ZNF423: variants seen among roughly 807,000 people sequenced by gnomAD.
The protein encoded by ZNF423 is zinc finger protein 423.
A neutral mutation model predicts 95.8 loss-of-function variants in ZNF423; 12 were observed. The ratio of observed to expected loss-of-function variants is 0.13; its 90% CI spans 0.08 to 0.20. The LOEUF (loss-of-function observed/expected upper bound fraction) is 0.20, where lower values mean the gene tolerates loss of function less well. Ranked by LOEUF, ZNF423 falls within the 10% of genes least tolerant of loss-of-function variation. The pLI, the probability that ZNF423 is intolerant of heterozygous loss-of-function variation, is 1.00. For missense variants in ZNF423, 1,316 were observed against 1,737.1 expected (o/e 0.76, Z 4.31); for synonymous variants, 749 against 711.9 (o/e 1.05, Z -0.83).
chr16:49,821,969 G>A (rs1324060108), intron 1 of ZNF423, among the ~76,000 whole-genome samples: 2 of 152,112 alleles, frequency 1.3e-5, no homozygotes, highest in African/African-American at 4.8e-5. Flanking sequence ...TCTCTCTCCC[G>A]GAGAAGGTTC....
chr16:49,659,151 C>T (rs2151912319), intron 3 of ZNF423, among the ~76,000 whole-genome samples: 1 of 152,336 alleles, frequency 6.6e-6, no homozygotes, highest in East Asian at 1.9e-4. Flanking sequence ...TGCAGTGGCG[C>T]AATCATAGCT....
At chr16:49,510,837 G>A (rs1309861780) in intron 7 of ZNF423, among the ~76,000 whole-genome samples, 2 of 152,228 alleles carry the variant, frequency 1.3e-5, no homozygotes, top group East Asian at 3.9e-4. Context: ...GCGCCGGGGA[G>A]GGGTTCGGCT....
intron 3 of ZNF423, among the ~76,000 whole-genome samples, chr16:49,677,518 C>T (rs1235020485): frequency 6.6e-6 from 1 of 151,790 alleles, no homozygotes; most frequent in African/African-American, 2.4e-5. Context: ...TTGCCAGGTG[C>T]AGTAGCACAT....
chr16:49,716,811 T>C (rs1480955813), intron 3 of ZNF423, among the ~76,000 whole-genome samples: 1 of 152,116 alleles, frequency 6.6e-6, no homozygotes, highest in Non-Finnish European at 1.5e-5. Flanking sequence ...CAGAGGAAAG[T>C]GGAATCCGCA....
At chr16:49,626,719 C>G (rs1392015411) in intron 4 of ZNF423, among the ~76,000 whole-genome samples, 1 of 151,144 alleles carries the variant, frequency 6.6e-6, no homozygotes, top group East Asian at 2.0e-4. Context: ...ATCTACCCAT[C>G]CATCCATATA....
chr16:49,642,651 A>G (rs1973012657), intron 3 of ZNF423, among the ~76,000 whole-genome samples: 1 of 152,084 alleles, frequency 6.6e-6, no homozygotes, highest in Non-Finnish European at 1.5e-5. Flanking sequence ...AGAACATTCA[A>G]CCTCGCCTGC....
chr16:49,638,274 G>A lies in ZNF423; in HGVS notation c.902C>T (p.Ala301Val), dbSNP rs569005398. 14 of 1,613,118 alleles carry A rather than the reference G, an allele frequency of 8.7e-6. No individual in the cohort carries two copies. The highest frequency in any genetic ancestry group is 2.2e-5 in the East Asian group (1 of 44,876). Residue 301 changes from alanine (A) to valine (V), a missense_variant, in exon 4 of 8, where the codon GCG (alanine) becomes GTG (valine). Physicochemically the swap from Ala to Val is moderately conservative, Grantham distance 64. Coordinates refer to ENST00000563137, the MANE Select transcript of ZNF423 (RefSeq NM_001379286.1). This position sits in a 1 kb window ranked among gnomAD's most constrained non-coding sequence, Gnocchi z 5.6. ...LTRHPQLSEK[A>V]DLQCIHCPEV... ...AGGGCAGTGAATGCACTGCAGGTCC[G>A]CCTTCTCGGACAGCTGCGGGTGGCG...
intron 1 of ZNF423, chr16:49,826,722 A>T (rs1333448857): frequency 6.6e-6 from 1 of 152,224 alleles, no homozygotes; most frequent in African/African-American, 2.4e-5. Context: ...CCTGAAAGTG[A>T]GTCACTTTCC....
rs144840497 is a variant in ZNF423 at position 49,534,890 on chromosome 16, CT to C, written c.3602-9397del. Among the ~76,000 whole-genome samples the C allele has an allele frequency of 3.9e-3, 587 of 152,288 alleles. 4 individuals are homozygous for C. Among genetic ancestry groups the C allele is most frequent in the African/African-American group, 0.013 (533 of 41,558 alleles). On this transcript the variant is annotated intron_variant, in intron 5 of 7. Transcript: ENST00000563137. ...TCCAGATTTTAAGCCCTTTTGTTCC[CT>C]TGTGGCTCGCTGCAGCTTCCTACTT...
intron 1 of ZNF423, among the ~76,000 whole-genome samples, chr16:49,819,600 C>G (rs1172791921): frequency 3.9e-5 from 6 of 152,100 alleles, no homozygotes; most frequent in African/African-American, 1.4e-4. Context: ...AGGCACCCAC[C>G]ACTTTGCCTG....
intron 2 of ZNF423, among the ~76,000 whole-genome samples, chr16:49,739,133 A>G (rs570861402): frequency 6.6e-6 from 1 of 152,138 alleles, no homozygotes; most frequent in African/African-American, 2.4e-5. Context: ...GGGACCATGA[A>G]CAAGTCACTT....
At chr16:49,702,909 G>GCACACACACACACACA (rs66522223) in intron 3 of ZNF423, among the ~76,000 whole-genome samples, 1 of 147,534 alleles carries the variant, frequency 6.8e-6, no homozygotes, top group Non-Finnish European at 1.5e-5. Context: ...GTGTGCACAC[G>GCACACACACACACACA]CACACACACA....
At position 49,491,254 on chromosome 16, in the gene ZNF423, G is replaced by C; in HGVS notation, c.*21C>G. 1 of 1,614,068 alleles carries C rather than the reference G, an allele frequency of 6.2e-7. No homozygotes were observed. ...GTCTCCGGCAAGCCTTCTGCGGAGAGGTGTCCTGTTGAGCGATCCCTCACT... is the reference window on the plus strand; with the variant it reads ...GTCTCCGGCAAGCCTTCTGCGGAGACGTGTCCTGTTGAGCGATCCCTCACT... On this transcript the variant is annotated 3_prime_UTR_variant, in exon 8 of 8. Coordinates refer to ENST00000563137, the MANE Select transcript of ZNF423 (RefSeq NM_001379286.1).
At chr16:49,591,912 G>A (rs575640695) in intron 5 of ZNF423, among the ~76,000 whole-genome samples, 31 of 152,348 alleles carry the variant, frequency 2.0e-4, no homozygotes, top group African/African-American at 7.5e-4. Context: ...GGGACAGGAA[G>A]GTGCAGGAGG....
At chr16:49,799,270 A>G (rs550586809) in intron 1 of ZNF423, among the ~76,000 whole-genome samples, 1 of 152,294 alleles carries the variant, frequency 6.6e-6, no homozygotes, top group South Asian at 2.1e-4. Context: ...CATGCAATCA[A>G]TGTGAGCTCA....
At chr16:49,620,064 C>T (rs1432752484) in intron 5 of ZNF423, among the ~76,000 whole-genome samples, 2 of 151,486 alleles carry the variant, frequency 1.3e-5, no homozygotes, top group Admixed American at 6.6e-5. Flanking sequence ...CAGGGATGTG[C>T]TTCATAAAGA....
At chr16:49,574,643 C>T (rs1007953176) in intron 5 of ZNF423, among the ~76,000 whole-genome samples, 2 of 152,126 alleles carry the variant, frequency 1.3e-5, no homozygotes, top group Admixed American at 1.3e-4. Context: ...ACTGTTGCCT[C>T]CTGTCATTCA....
chr16:49,611,818 T>C (rs749247483), intron 5 of ZNF423, among the ~76,000 whole-genome samples: 18 of 151,930 alleles, frequency 1.2e-4, no homozygotes, highest in Non-Finnish European at 2.7e-4. Context: ...CTACAGACAC[T>C]ACAGACATCA....
chr16:49,629,478 G>A (rs1353012125), intron 4 of ZNF423, among the ~76,000 whole-genome samples: 1 of 152,204 alleles, frequency 6.6e-6, no homozygotes, highest in Admixed American at 6.5e-5. Flanking sequence ...GCCTGTGCTG[G>A]TTCCTCTATG....
Sources: allele counts gnomAD v4.1 joint callset (sites outside exome capture counted in the v4.1 genomes callset), GRCh38; gene constraint gnomAD v4.1.1; non-coding constraint Gnocchi (gnomAD v3.1); transcripts MANE v1.5; gene names NCBI Gene and HGNC (gene_info 2026-07-23, HGNC 2026-07-21).